The following UBE2H variants were observed in gnomAD, a reference collection of about 807,000 sequenced individuals.
UBE2H encodes ubiquitin-conjugating enzyme E2 H.
Under a neutral mutation model 29.0 loss-of-function variants are expected in UBE2H, and 3 were observed. That is an observed-to-expected ratio of 0.10 (90% CI 0.05 to 0.27). The LOEUF is 0.27. Ranked by LOEUF, UBE2H falls within the 10% of genes least tolerant of loss-of-function variation. The probability of loss-of-function intolerance (pLI) is 1.00; values close to 1 mark genes in which losing one functional copy is unlikely to be tolerated. For synonymous variants in UBE2H, 69 were observed against 82.9 expected, an observed-to-expected ratio of 0.83 and a Z score of 0.91; for missense variants, 68 against 228.2, an observed-to-expected ratio of 0.30 and a Z score of 4.52.
chr7:129,938,662 C>T (rs1807580590), intron 1 of UBE2H, among the ~76,000 whole-genome samples: 1 of 150,468 alleles, frequency 6.6e-6, no homozygotes, highest in Non-Finnish European at 1.5e-5. Context: ...GTCGAGATTA[C>T]GCCATTGCAC....
chr7:129,850,126 G>A (rs772970778), intron 5 of UBE2H, among the ~76,000 whole-genome samples: 1 of 152,166 alleles, frequency 6.6e-6, no homozygotes, highest in African/African-American at 2.4e-5. Context: ...TAGCACTTTG[G>A]GAGGCCCAGG....
At chr7:129,937,603 A>G (rs1270868726) in intron 1 of UBE2H, among the ~76,000 whole-genome samples, 1 of 152,218 alleles carries the variant, frequency 6.6e-6, no homozygotes, top group Non-Finnish European at 1.5e-5. Flanking sequence ...CAAACAACAC[A>G]GGTATACTCA....
intron 3 of UBE2H, among the ~76,000 whole-genome samples, chr7:129,861,545 C>G (rs937747561): frequency 6.6e-6 from 1 of 152,128 alleles, no homozygotes; most frequent in Non-Finnish European, 1.5e-5. Context: ...TCTGACATTT[C>G]TACAATGTGT....
intron 1 of UBE2H, among the ~76,000 whole-genome samples, chr7:129,944,164 C>G (rs183151254): frequency 0.023 from 3,445 of 151,902 alleles, 57 homozygotes; most frequent in Non-Finnish European, 0.034. Flanking sequence ...AGACCATCCT[C>G]GCTAACATGG....
chr7:129,909,911 AG>A (rs1378272673), intron 1 of UBE2H, among the ~76,000 whole-genome samples: 1 of 152,144 alleles, frequency 6.6e-6, no homozygotes, highest in Non-Finnish European at 1.5e-5. Context: ...AAGTGGTCTG[AG>A]GGGAAAACAA....
At chr7:129,842,292 GT>G (rs1447798860) in intron 5 of UBE2H, among the ~76,000 whole-genome samples, 1 of 152,190 alleles carries the variant, frequency 6.6e-6, no homozygotes, top group Non-Finnish European at 1.5e-5. Context: ...AATTAGCTGG[GT>G]GTGATGGCGC....
intron 1 of UBE2H, among the ~76,000 whole-genome samples, chr7:129,892,238 C>G (rs548430378): frequency 4.7e-5 from 7 of 149,778 alleles, no homozygotes; most frequent in African/African-American, 1.7e-4. Context: ...CATGAGCCAC[C>G]GCACCCGGCC....
At chr7:129,872,845 C>CAAAAAAAAAAAAAAAAAA (rs34001143) in intron 3 of UBE2H, among the ~76,000 whole-genome samples, 1 of 71,992 alleles carries the variant, frequency 1.4e-5, no homozygotes, top group East Asian at 5.3e-4. Context: ...CACTCCGTCT[C>CAAAAAAAAAAAAAAAAAA]AAAAAAAAAA....
chr7:129,867,096 CAT>C (rs1184915570), intron 3 of UBE2H, among the ~76,000 whole-genome samples: 1 of 152,306 alleles, frequency 6.6e-6, no homozygotes, highest in Non-Finnish European at 1.5e-5. Context: ...TTATGATTTA[CAT>C]ATGTTTCCCA....
In UBE2H at chr7:129,909,241, G is replaced by A. The variant is rs574521467; in HGVS notation, c.54-28270C>T. ...AAAATGTCAGGTGGGAAAAATGGCC[G>A]GAAATGGGAAGAAGAAACATGTACA... On this transcript the variant is annotated intron_variant, in intron 1 of 6. Transcript: ENST00000355621. Among the ~76,000 whole-genome samples the A allele has an allele frequency of 8.5e-5, 13 of 152,248 alleles. No individual in the cohort carries two copies. In the East Asian group the frequency reaches 1.5e-3, roughly 18 times the overall value.
At chr7:129,940,947 A>G (rs925029399) in intron 1 of UBE2H, among the ~76,000 whole-genome samples, 1 of 152,162 alleles carries the variant, frequency 6.6e-6, no homozygotes, top group Non-Finnish European at 1.5e-5. Flanking sequence ...AGCATAGAAA[A>G]TAACAAACTG....
chr7:129,893,090 A>G (rs1806530118), intron 1 of UBE2H, among the ~76,000 whole-genome samples: 1 of 152,226 alleles, frequency 6.6e-6, no homozygotes, highest in Non-Finnish European at 1.5e-5. Context: ...TTAGGAGTAA[A>G]GAGTAACATA....
chr7:129,914,613 TCAAAC>T (rs1807007144), intron 1 of UBE2H, among the ~76,000 whole-genome samples: 1 of 152,192 alleles, frequency 6.6e-6, no homozygotes, highest in South Asian at 2.1e-4. Flanking sequence ...AGCTTTCACT[TCAAAC>T]CGACCCAGGT....
At chr7:129,906,441 G>A (rs1384310229) in intron 1 of UBE2H, among the ~76,000 whole-genome samples, 2 of 152,116 alleles carry the variant, frequency 1.3e-5, no homozygotes, top group Non-Finnish European at 2.9e-5. Flanking sequence ...CTGGCCTCAT[G>A]TGATCCACCC....
At chr7:129,944,746 A>ACACG in intron 1 of UBE2H, among the ~76,000 whole-genome samples, 1 of 133,382 alleles carries the variant, frequency 7.5e-6, no homozygotes, top group East Asian at 2.2e-4. Context: ...ACACACACAC[A>ACACG]CACACGCACG....
intron 1 of UBE2H, among the ~76,000 whole-genome samples, chr7:129,906,606 T>C (rs1283293148): frequency 6.6e-6 from 1 of 152,202 alleles, no homozygotes; most frequent in Non-Finnish European, 1.5e-5. Context: ...TATCATTTAA[T>C]GTCTGCTTTC....
chr7:129,864,836 G>A (rs1310110800), intron 3 of UBE2H, among the ~76,000 whole-genome samples: 1 of 152,034 alleles, frequency 6.6e-6, no homozygotes, highest in Non-Finnish European at 1.5e-5. Flanking sequence ...ACAGGAGTGA[G>A]CCACCGTGCC....
intron 5 of UBE2H, among the ~76,000 whole-genome samples, chr7:129,848,350 C>CT (rs1384402825): frequency 7.2e-5 from 11 of 152,246 alleles, no homozygotes; most frequent in Admixed American, 5.2e-4. Flanking sequence ...ATCCCTCTCC[C>CT]TCTGGAGGAG....
intron 3 of UBE2H, among the ~76,000 whole-genome samples, chr7:129,859,297 A>T (rs184649943): frequency 6.6e-6 from 1 of 152,240 alleles, no homozygotes; most frequent in African/African-American, 2.4e-5. Flanking sequence ...TCACTCTCCC[A>T]GAAGTTTTGT....
Sources: gnomAD v4.1 joint callset for allele counts (sites outside exome capture counted in the v4.1 genomes callset) on GRCh38, gnomAD v4.1.1 for gene constraint, MANE v1.5 for transcripts, NCBI Gene and HGNC (gene_info 2026-07-23, HGNC 2026-07-21) for gene names.